PCDHA2: variants seen among roughly 807,000 people sequenced by gnomAD.
PCDHA2 encodes the protein protocadherin alpha 2.
PCDHA2 carries 58 observed loss-of-function variants against 66.0 expected under a neutral mutation model. That is an observed-to-expected ratio of 0.88 (90% confidence interval 0.71 to 1.09). PCDHA2 has a LOEUF of 1.09. PCDHA2 is among the 50% of genes least tolerant of loss of function. The pLI, the probability that PCDHA2 is intolerant of heterozygous loss-of-function variation, is 0.00. For missense variants in PCDHA2, 1,267 were observed against 1,242.3 expected (o/e 1.02, Z -0.30); for synonymous variants, 634 against 554.0 (o/e 1.14, Z -2.03).
chr5:140,909,249 G>A (rs1180498257), intron 1 of PCDHA2, among the ~76,000 whole-genome samples: 1 of 152,196 alleles, frequency 6.6e-6, no homozygotes, highest in Non-Finnish European at 1.5e-5. Flanking sequence ...TATATTGCTG[G>A]CCTTGCTGAC....
At chr5:140,850,471 T>C (rs2150485589) in intron 1 of PCDHA2, 1 of 1,597,870 alleles carries the variant, frequency 6.3e-7, no homozygotes, top group Non-Finnish European at 8.6e-7. Context: ...GAGCCAGCGC[T>C]GACGGCCACG....
At chr5:140,997,978 C>T (rs1205743045) in intron 3 of PCDHA2, among the ~76,000 whole-genome samples, 2 of 152,182 alleles carry the variant, frequency 1.3e-5, no homozygotes, top group African/African-American at 2.4e-5. Context: ...TTGGACTGCA[C>T]TTGTTACATA....
At position 140,796,777 on chromosome 5, in the gene PCDHA2, G is replaced by A; in HGVS notation, c.1813G>A (p.Ala605Thr). Residue 605 changes from alanine to threonine, a missense_variant, in exon 1 of 4, where the codon GCG (alanine) becomes ACG (threonine). Physicochemically the swap from Ala to Thr is moderately conservative, Grantham distance 58. Coordinates refer to ENST00000526136, the MANE Select transcript of PCDHA2 (RefSeq NM_018905.3). ...AGTGGACGCTGACTCAGGCTACAAC[G>A]CGTGGCTTTCGTACGAGCTTCAGCT... ...RAVDADSGYNAWLSYELQLGT... is the reference protein window; with the variant it reads ...RAVDADSGYNTWLSYELQLGT... 1.9e-6 allele frequency: 3 copies of A among 1,614,152 alleles called. No homozygotes were observed. Among genetic ancestry groups the A allele is most frequent in the Non-Finnish European group, 2.5e-6 (3 of 1,179,978 alleles).
Position 140,946,525 on chromosome 5 carries a change from A to G in PCDHA2, c.2389-32424A>G, listed in dbSNP as rs115610574. On this transcript the variant is annotated intron_variant, in intron 1 of 3. Transcript: ENST00000526136. ...ATGTCAAAGACCTATCCGCACTCCC[A>G]TGTTCATTGCAGCATTATTCATGAT... 6.9e-3 allele frequency among the ~76,000 whole-genome samples: 1,050 copies of G among 151,290 alleles called. 19 individuals carry two copies. The highest frequency in any genetic ancestry group is 0.024 in the African/African-American group (983 of 41,050).
At chr5:140,808,553 G>A (rs1764200518) in intron 1 of PCDHA2, 1 of 1,614,088 alleles carries the variant, frequency 6.2e-7, no homozygotes, top group Non-Finnish European at 8.5e-7. Flanking sequence ...TCCGGCGTTC[G>A]CGCAGCCCGA....
chr5:140,912,380 G>T (rs2075901164), intron 1 of PCDHA2, among the ~76,000 whole-genome samples: 1 of 150,372 alleles, frequency 6.7e-6, no homozygotes, highest in African/African-American at 2.4e-5. Flanking sequence ...AAAAGGGATT[G>T]AGTTCTTAAT....
intron 1 of PCDHA2, chr5:140,829,151 T>A (rs2150163115): frequency 6.2e-7 from 1 of 1,613,966 alleles, no homozygotes; most frequent in Admixed American, 1.7e-5. Flanking sequence ...AGCACTGACT[T>A]CCTTATCCTT....
At chr5:140,846,890 G>A (rs1554141524) in intron 1 of PCDHA2, among the ~76,000 whole-genome samples, 3 of 149,570 alleles carry the variant, frequency 2.0e-5, no homozygotes, top group South Asian at 2.1e-4. Context: ...TCAGAATGAC[G>A]TTGAAGTTGA....
chr5:140,855,043 A>T (rs1177113480), intron 1 of PCDHA2, among the ~76,000 whole-genome samples: 2 of 149,900 alleles, frequency 1.3e-5, no homozygotes, highest in African/African-American at 4.9e-5. Flanking sequence ...TTTTTCTGTA[A>T]TAGTACTTTT....
At chr5:140,888,753 AC>A (rs1372547782) in intron 1 of PCDHA2, among the ~76,000 whole-genome samples, 1 of 149,022 alleles carries the variant, frequency 6.7e-6, no homozygotes, top group African/African-American at 2.5e-5. Context: ...TATTCTACCC[AC>A]TTTTTTTTTT....
chr5:140,826,631 CTT>C (rs1471509298), intron 1 of PCDHA2, among the ~76,000 whole-genome samples: 3 of 152,132 alleles, frequency 2.0e-5, no homozygotes, highest in Non-Finnish European at 4.4e-5. Context: ...TTGGCCCTGA[CTT>C]TTATATGAAG....
chr5:140,887,183 A>G (rs1211270850), intron 1 of PCDHA2, among the ~76,000 whole-genome samples: 2 of 147,766 alleles, frequency 1.4e-5, no homozygotes, highest in African/African-American at 5.0e-5. Flanking sequence ...TGCAAGCTCC[A>G]CCTCCCGGGT....
Position 140,978,951 on chromosome 5 carries a change from A to G in PCDHA2, c.2391A>G (p.Pro797=). Residue 797 remains proline, a splice_region_variant and synonymous_variant, in exon 2 of 4, where the codon CCA becomes CCG. Coordinates refer to ENST00000526136, the MANE Select transcript of PCDHA2 (RefSeq NM_018905.3). ...QLSESEYVGK[P]RQPNPDWRYS... ...AAACTCTCTTTGTGATTTTGCAGCC[A>G]CGACAGCCCAACCCTGACTGGCGTT... is the stretch of plus-strand genomic sequence containing the variant. 1.2e-6 allele frequency: 2 copies of G among 1,614,182 alleles called. No homozygotes were observed. The highest frequency in any genetic ancestry group is 1.7e-6 in the Non-Finnish European group (2 of 1,180,032).
intron 1 of PCDHA2, chr5:140,969,096 A>T: frequency 6.2e-7 from 1 of 1,614,162 alleles, no homozygotes; most frequent in Non-Finnish European, 8.5e-7. Flanking sequence ...GTGCAGCCTC[A>T]CTTCATTGAA....
Position 140,803,012 on chromosome 5 carries a change from G to A in PCDHA2, c.2388+5660G>A, listed in dbSNP as rs138097279. On this transcript the variant is annotated intron_variant, in intron 1 of 3. Coordinates refer to ENST00000526136, the MANE Select transcript of PCDHA2 (RefSeq NM_018905.3). ...TGGATGCAGACTCAGGCTACAACGCGTGGCTTTCGTATGAGCTGCAGCCTG... is the reference window on the plus strand; with the variant it reads ...TGGATGCAGACTCAGGCTACAACGCATGGCTTTCGTATGAGCTGCAGCCTG... The A allele has an allele frequency of 8.7e-6, 14 of 1,613,936 alleles. No individual in the cohort carries two copies. In the African/African-American group the frequency reaches 1.6e-4, roughly 18 times the overall value.
At chr5:140,932,039 CAT>C (rs2087970987) in intron 1 of PCDHA2, among the ~76,000 whole-genome samples, 1 of 151,816 alleles carries the variant, frequency 6.6e-6, no homozygotes, top group South Asian at 2.1e-4. Context: ...TATATATTAA[CAT>C]AGCCTGTAAT....
chr5:140,866,864 G>T (rs1217408755), intron 1 of PCDHA2: 1 of 152,050 alleles, frequency 6.6e-6, no homozygotes, highest in African/African-American at 2.4e-5. Context: ...GTATTGAAAT[G>T]ACTTCTTGGT....
intron 1 of PCDHA2, chr5:140,871,625 ATGTC>A (rs1304722830): frequency 2.1e-6 from 3 of 1,403,018 alleles, no homozygotes; most frequent in Non-Finnish European, 2.8e-6. Context: ...TTAGATAACA[ATGTC>A]TGTTCATAAA....
chr5:140,831,811 G>A (rs1771711397), intron 1 of PCDHA2, among the ~76,000 whole-genome samples: 1 of 152,006 alleles, frequency 6.6e-6, no homozygotes, highest in African/African-American at 2.4e-5. Flanking sequence ...CTGTAAAGTT[G>A]GAATGATAAA....
Sources: gnomAD v4.1 joint callset for allele counts (sites outside exome capture counted in the v4.1 genomes callset) on GRCh38, gnomAD v4.1.1 for gene constraint, MANE v1.5 for transcripts, NCBI Gene and HGNC (gene_info 2026-07-23, HGNC 2026-07-21) for gene names.